Variants in SND1 observed in about 807,000 individuals in gnomAD.
The protein encoded by SND1 is staphylococcal nuclease domain-containing protein 1.
A neutral mutation model predicts 121.7 loss-of-function variants in SND1; 38 were observed. The observed-to-expected ratio is 0.31, with a 90% confidence interval of 0.24 to 0.41. The LOEUF (loss-of-function observed/expected upper bound fraction) is 0.41. Ranked by LOEUF, SND1 falls within the 10% of genes least tolerant of loss-of-function variation. The pLI is 1.00. For missense variants in SND1, 868 were observed against 1,184.6 expected, an observed-to-expected ratio of 0.73 and a Z score of 3.92; for synonymous variants, 401 against 447.4, an observed-to-expected ratio of 0.90 and a Z score of 1.31.
At chr7:127,830,768 T>C (rs953644575) in intron 11 of SND1, among the ~76,000 whole-genome samples, 1 of 152,180 alleles carries the variant, frequency 6.6e-6, no homozygotes, top group Non-Finnish European at 1.5e-5. Flanking sequence ...CAGTATCTTT[T>C]ACCTAAACTC....
chr7:127,895,737 T>G (rs1003350242), intron 13 of SND1, among the ~76,000 whole-genome samples: 1 of 152,126 alleles, frequency 6.6e-6, no homozygotes, highest in Non-Finnish European at 1.5e-5. Context: ...GATGATGCAC[T>G]CAACATCCAA....
chr7:127,657,041 A>G (rs1337941654), intron 1 of SND1, among the ~76,000 whole-genome samples: 2 of 152,250 alleles, frequency 1.3e-5, no homozygotes, highest in East Asian at 3.8e-4. Flanking sequence ...TTTTTCTGTC[A>G]AAAGGAAGCA....
At chr7:127,904,000 C>G (rs1800284529) in intron 13 of SND1, among the ~76,000 whole-genome samples, 1 of 152,146 alleles carries the variant, frequency 6.6e-6, no homozygotes, top group African/African-American at 2.4e-5. Context: ...GTGTACAGAC[C>G]AAGTAATTCA....
intron 16 of SND1, among the ~76,000 whole-genome samples, chr7:128,057,376 A>C (rs1793160313): frequency 6.6e-6 from 1 of 152,226 alleles, no homozygotes; most frequent in African/African-American, 2.4e-5. Context: ...CGTCGCTGGT[A>C]ATATAGACCA....
intron 15 of SND1, among the ~76,000 whole-genome samples, 188 bp downstream of exon 15, chr7:127,929,517 C>T (rs1057210726): frequency 6.6e-6 from 1 of 152,142 alleles, no homozygotes; most frequent in Non-Finnish European, 1.5e-5. Context: ...CACTGCACCC[C>T]CTTTCTGCTC....
intron 10 of SND1, among the ~76,000 whole-genome samples, chr7:127,778,350 A>G (rs1458971799): frequency 6.6e-6 from 1 of 152,098 alleles, no homozygotes; most frequent in Non-Finnish European, 1.5e-5. Context: ...GGCGCGTGCC[A>G]CCACGCCCAG....
chr7:128,028,505 A>C, intron 16 of SND1: 1 of 647,278 alleles, frequency 1.5e-6, no homozygotes, highest in South Asian at 2.8e-5. Context: ...AAGTTAGAAA[A>C]TATTTTTGTT....
chr7:127,821,676 TTGTTC>T (rs779146100), intron 11 of SND1, among the ~76,000 whole-genome samples: 4 of 151,200 alleles, frequency 2.6e-5, no homozygotes, highest in Admixed American at 6.6e-5. Context: ...GTAACATAAC[TTGTTC>T]TTTACATTTT....
At chr7:128,084,999 C>G in intron 19 of SND1, 152 bp downstream of exon 19, 1 of 755,360 alleles carries the variant, frequency 1.3e-6, no homozygotes, top group Non-Finnish European at 2.0e-6. Context: ...TCATTGCCCA[C>G]AGCCCATCTG....
chr7:127,962,429 ATG>A (rs916154542), intron 15 of SND1, among the ~76,000 whole-genome samples: 3 of 152,192 alleles, frequency 2.0e-5, no homozygotes, highest in African/African-American at 4.8e-5. Context: ...CTTTGGCAAA[ATG>A]TGTTATCTGT....
intron 1 of SND1, 33 bp downstream of exon 1, chr7:127,652,484 C>A: frequency 6.5e-7 from 1 of 1,527,820 alleles, no homozygotes; most frequent in Non-Finnish European, 8.9e-7. Context: ...GACCCCTCTG[C>A]CTGCCTTCGG....
chr7:127,829,812 A>G (rs1011297670), intron 11 of SND1, among the ~76,000 whole-genome samples: 8 of 152,220 alleles, frequency 5.3e-5, no homozygotes, highest in Non-Finnish European at 1.2e-4. Context: ...ATATTATATG[A>G]TTCCATTTAT....
At chr7:127,803,474 T>A (rs1007704841) in intron 10 of SND1, among the ~76,000 whole-genome samples, 1 of 152,200 alleles carries the variant, frequency 6.6e-6, no homozygotes, top group African/African-American at 2.4e-5. Flanking sequence ...TATTAAAAAA[T>A]TTTTATTTTT....
intron 1 of SND1, among the ~76,000 whole-genome samples, chr7:127,676,839 T>C (rs1795625902): frequency 2.6e-5 from 4 of 152,220 alleles, no homozygotes. Context: ...CCTCCTGGGT[T>C]CAAGCGATTC....
At chr7:127,696,497 T>C (rs1796009100) in intron 3 of SND1, among the ~76,000 whole-genome samples, 1 of 152,216 alleles carries the variant, frequency 6.6e-6, no homozygotes, top group African/African-American at 2.4e-5. Flanking sequence ...TTAGAAAGAA[T>C]GTAAGAGGAA....
Position 128,088,446 on chromosome 7 carries a change from CTTTTTT to C in SND1, c.2419-1024_2419-1019del, listed in dbSNP as rs1047161140. Among the ~76,000 whole-genome samples the C allele has an allele frequency of 1.3e-3, 104 of 80,152 alleles. 2 individuals are homozygous for C. The highest frequency in any genetic ancestry group is 5.8e-3 in the South Asian group (12 of 2,064). The allele number at this position is 80,152 out of a possible 152,430, so 52.6% of individuals were successfully genotyped here. A position where few individuals can be genotyped will look rare whatever the true frequency, so the allele number is the denominator to read the frequency against. On this transcript the variant is annotated intron_variant, in intron 21 of 23. Transcript: ENST00000354725. ...TGCACTCTGGCCAGTCCCTATCTCT[CTTTTTT>C]TTTTTTTTTTTTTTTTTTGAGATGA...
At chr7:127,719,953 C>T (rs1796462754) in intron 9 of SND1, among the ~76,000 whole-genome samples, 1 of 152,140 alleles carries the variant, frequency 6.6e-6, no homozygotes, top group Non-Finnish European at 1.5e-5. Flanking sequence ...TTCTATCCTT[C>T]TTGAGATTGT....
chr7:127,720,034 G>C (rs1488516657), intron 9 of SND1, among the ~76,000 whole-genome samples: 2 of 152,286 alleles, frequency 1.3e-5, no homozygotes, highest in East Asian at 3.9e-4. Flanking sequence ...GTGGCTGGTT[G>C]GTTCTTTGGA....
chr7:127,703,904 A>G (rs940386527), intron 7 of SND1, among the ~76,000 whole-genome samples: 2 of 152,210 alleles, frequency 1.3e-5, no homozygotes, highest in African/African-American at 4.8e-5. Context: ...GGGTTGCTAC[A>G]TTCATTAGAA....
Sources: allele counts gnomAD v4.1 joint callset (sites outside exome capture counted in the v4.1 genomes callset), GRCh38; gene constraint gnomAD v4.1.1; transcripts MANE v1.5; gene names NCBI Gene and HGNC (gene_info 2026-07-23, HGNC 2026-07-21).